Variants in GDPD4 observed in about 807,000 individuals in gnomAD.
GDPD4 encodes the protein glycerophosphodiester phosphodiesterase 6.
A neutral mutation model predicts 67.8 loss-of-function variants in GDPD4; 60 were observed. That is an observed-to-expected ratio of 0.88 (90% CI 0.72 to 1.10). GDPD4 has a LOEUF of 1.10. GDPD4 is among the 50% of genes least tolerant of loss of function. The pLI is 0.00. For synonymous variants in GDPD4, 212 were observed against 210.9 expected (o/e 1.00, Z -0.04); for missense variants, 623 against 613.9 (o/e 1.01, Z -0.16).
chr11:77,228,246 C>A (rs188258950), intron 15 of GDPD4, among the ~76,000 whole-genome samples: 344 of 151,974 alleles, frequency 2.3e-3, no homozygotes, highest in Middle Eastern at 6.8e-3. Flanking sequence ...CCCCTGTAAT[C>A]CCGGCACTTT....
At chr11:77,221,859 T>G (rs9704758) in intron 16 of GDPD4, among the ~76,000 whole-genome samples, 134,902 of 150,952 alleles carry the variant, frequency 0.89, 60,459 homozygotes, top group Middle Eastern at 0.94. Context: ...ATTATTGTGT[T>G]GGAGTCTAAG....
intron 10 of GDPD4, among the ~76,000 whole-genome samples, chr11:77,263,152 T>C (rs538685697): frequency 1.4e-3 from 146 of 103,512 alleles, no homozygotes; most frequent in Admixed American, 2.9e-3. Flanking sequence ...AAAAAGGAAA[T>C]TGATACAATT....
chr11:77,268,459 T>G lies in GDPD4; in HGVS notation c.705A>C (p.Leu235Phe). ...ACCCCAGTTCCCTGCTTTCTTACCTTAAGTGTATATCAGTCTCCAATCCAT... is the reference window on the plus strand; with the variant it reads ...ACCCCAGTTCCCTGCTTTCTTACCTGAAGTGTATATCAGTCTCCAATCCAT... ...GAHGLETDIHLSYDHVPFLMH... is the reference protein window; with the variant it reads ...GAHGLETDIHFSYDHVPFLMH... The change falls in exon 10 of 17, where the codon TTA becomes TTC. Residue 235 changes from leucine (L) to phenylalanine (F), a missense_variant and splice_region_variant. Coordinates refer to ENST00000315938, the MANE Select transcript of GDPD4 (RefSeq NM_182833.3). 6.2e-7 allele frequency: 1 copy of G among 1,606,716 alleles called. No homozygotes were observed. Among genetic ancestry groups the G allele is most frequent in the Non-Finnish European group, 8.5e-7 (1 of 1,173,522 alleles).
intron 10 of GDPD4, among the ~76,000 whole-genome samples, chr11:77,266,248 A>G (rs1166754278): frequency 6.6e-6 from 1 of 152,150 alleles, no homozygotes; most frequent in African/African-American, 2.4e-5. Context: ...TCAACAACGG[A>G]CCTCATATAT....
At chr11:77,247,989 T>C (rs1958811132) in intron 11 of GDPD4, among the ~76,000 whole-genome samples, 1 of 137,284 alleles carries the variant, frequency 7.3e-6, no homozygotes, top group Non-Finnish European at 1.5e-5. Context: ...AGGCAGAGGT[T>C]GCGGTGAGCC....
chr11:77,285,061 G>C (rs1252169985), intron 3 of GDPD4, 24 bp downstream of exon 3: 1 of 1,577,796 alleles, frequency 6.3e-7, no homozygotes, highest in South Asian at 1.1e-5. Flanking sequence ...TTACACAAAT[G>C]AAACTACAAA....
At chr11:77,223,957 G>A (rs12294694) in intron 16 of GDPD4, among the ~76,000 whole-genome samples, 42,288 of 152,116 alleles carry the variant, frequency 0.28, 6,576 homozygotes, top group South Asian at 0.43. Context: ...GGACTGCTGC[G>A]CTAGTGGTGA....
At chr11:77,273,953 T>A (rs1377312658) in intron 5 of GDPD4, among the ~76,000 whole-genome samples, 1 of 152,212 alleles carries the variant, frequency 6.6e-6, no homozygotes, top group African/African-American at 2.4e-5. Flanking sequence ...TGAGAGATGC[T>A]GCCACTCAAA....
intron 16 of GDPD4, among the ~76,000 whole-genome samples, chr11:77,219,000 C>A (rs1253032877): frequency 6.6e-6 from 1 of 152,216 alleles, no homozygotes; most frequent in Admixed American, 6.5e-5. Context: ...AGTTTACACT[C>A]CTACCAACAG....
At chr11:77,286,291 GCATA>G (rs1385450640) in intron 2 of GDPD4, among the ~76,000 whole-genome samples, 1 of 152,094 alleles carries the variant, frequency 6.6e-6, no homozygotes, top group Non-Finnish European at 1.5e-5. Flanking sequence ...GTGTACATGC[GCATA>G]CAGTTACAGC....
Position 77,228,383 on chromosome 11 carries a change from C to T in GDPD4, c.1473-467G>A, listed in dbSNP as rs573538659. On this transcript the variant is annotated intron_variant, in intron 15 of 16. Transcript: ENST00000315938. The stretch of plus-strand genomic sequence containing the variant: ...GCTGGGCATGGTGGTGCCTGTAGTT[C>T]CAGCTACTCGGGAGGCTGAGGCAGG... Among the ~76,000 whole-genome samples the T allele has an allele frequency of 6.9e-4, 105 of 151,604 alleles. No homozygotes were observed. In the Middle Eastern group the frequency reaches 0.014, roughly 20 times the overall value.
At chr11:77,301,112 A>G (rs1376367422) in intron 1 of GDPD4, among the ~76,000 whole-genome samples, 1 of 152,238 alleles carries the variant, frequency 6.6e-6, no homozygotes, top group African/African-American at 2.4e-5. Flanking sequence ...GGAGATCGAG[A>G]AACACTGTTT....
At chr11:77,252,294 C>T (rs1958921374) in intron 11 of GDPD4, among the ~76,000 whole-genome samples, 1 of 152,004 alleles carries the variant, frequency 6.6e-6, no homozygotes, top group Non-Finnish European at 1.5e-5. Context: ...CAACTCCTGA[C>T]CTCAGGTGAT....
At chr11:77,247,361 A>G (rs11237148) in intron 11 of GDPD4, among the ~76,000 whole-genome samples, 29,328 of 152,170 alleles carry the variant, frequency 0.19, 3,745 homozygotes, top group Non-Finnish European at 0.27. Flanking sequence ...AATTTATGGG[A>G]AAGACCAACA....
chr11:77,230,222 C>T (rs1958427339), intron 14 of GDPD4, among the ~76,000 whole-genome samples: 1 of 152,086 alleles, frequency 6.6e-6, no homozygotes, highest in South Asian at 2.1e-4. Context: ...TGGCTGATTG[C>T]TCCAAGAGGC....
At chr11:77,279,443 A>G in intron 3 of GDPD4, 44 bp from the exon 4 acceptor site, 1 of 1,220,974 alleles carries the variant, frequency 8.2e-7, no homozygotes, top group Non-Finnish European at 1.2e-6. Context: ...TGCAGAAATC[A>G]GTAGCATCTG....
At chr11:77,272,657 T>C (rs1959269178) in intron 5 of GDPD4, among the ~76,000 whole-genome samples, 1 of 152,056 alleles carries the variant, frequency 6.6e-6, no homozygotes, top group South Asian at 2.1e-4. Flanking sequence ...ACAACTGTAG[T>C]TCCAGCTACT....
intron 3 of GDPD4, among the ~76,000 whole-genome samples, chr11:77,281,215 C>T (rs1959739170): frequency 6.6e-6 from 1 of 152,074 alleles, no homozygotes; most frequent in South Asian, 2.1e-4. Context: ...TTAAAGAAAC[C>T]TTCAAGGACC....
chr11:77,217,943 C>T (rs948064661), intron 16 of GDPD4, among the ~76,000 whole-genome samples: 1 of 152,040 alleles, frequency 6.6e-6, no homozygotes, highest in South Asian at 2.1e-4. Context: ...GAATCTAAAG[C>T]CCAGAACTCA....
Sources: gnomAD v4.1 joint callset for allele counts (sites outside exome capture counted in the v4.1 genomes callset) on GRCh38, gnomAD v4.1.1 for gene constraint, MANE v1.5 for transcripts, NCBI Gene and HGNC (gene_info 2026-07-23, HGNC 2026-07-21) for gene names.